NFIB: variants seen among roughly 807,000 people sequenced by gnomAD.
NFIB encodes nuclear factor I B.
In NFIB, 11 loss-of-function variants were observed where a neutral mutation model predicts 61.5. The ratio of observed to expected loss-of-function variants is 0.18; its 90% confidence interval spans 0.11 to 0.30. NFIB has a LOEUF of 0.30. Among genes scored for constraint, NFIB ranks in the 10% least tolerant of loss-of-function variants. NFIB has a pLI of 1.00. For synonymous variants in NFIB, 260 were observed against 216.5 expected, an observed-to-expected ratio of 1.20 and a Z score of -1.76; for missense variants, 471 against 608.9, an observed-to-expected ratio of 0.77 and a Z score of 2.38.
intron 1 of NFIB, among the ~76,000 whole-genome samples, chr9:14,353,717 G>A (rs1220066143): frequency 6.6e-6 from 1 of 152,140 alleles, no homozygotes; most frequent in African/African-American, 2.4e-5. Context: ...GGTGAGACCC[G>A]GGGACCAGCT....
intron 1 of NFIB, among the ~76,000 whole-genome samples, chr9:14,328,220 C>T (rs2060778154): frequency 6.6e-6 from 1 of 152,190 alleles, no homozygotes. Flanking sequence ...TCAGGGCTCA[C>T]TACATCCTTG....
chr9:14,194,994 G>A (rs1403770551), intron 2 of NFIB, among the ~76,000 whole-genome samples: 3 of 151,788 alleles, frequency 2.0e-5, no homozygotes, highest in East Asian at 1.9e-4. Context: ...AAGAGATCCC[G>A]TAAGCTTCTC....
At chr9:14,371,341 C>G (rs1162435738) in intron 1 of NFIB, among the ~76,000 whole-genome samples, 1 of 152,096 alleles carries the variant, frequency 6.6e-6, no homozygotes, top group Non-Finnish European at 1.5e-5. Flanking sequence ...ATCTAAGTTC[C>G]TTCTTCTTAG....
intron 1 of NFIB, among the ~76,000 whole-genome samples, chr9:14,379,264 G>C (rs190571408): frequency 8.5e-5 from 13 of 152,318 alleles, no homozygotes; most frequent in African/African-American, 3.1e-4. Flanking sequence ...TTTTAGGGAA[G>C]GATAAAGGAA....
intron 2 of NFIB, among the ~76,000 whole-genome samples, chr9:14,206,016 T>C (rs2049653154): frequency 6.6e-6 from 1 of 152,156 alleles, no homozygotes; most frequent in Admixed American, 6.5e-5. Context: ...TGTTTCTGCG[T>C]AAAAGACATT....
intron 1 of NFIB, among the ~76,000 whole-genome samples, chr9:14,379,630 T>C (rs2132995798): frequency 6.6e-6 from 1 of 152,322 alleles, no homozygotes; most frequent in East Asian, 1.9e-4. Flanking sequence ...TAATTTACAA[T>C]CACACTGCAG....
At chr9:14,332,199 G>T (rs537908313) in intron 1 of NFIB, among the ~76,000 whole-genome samples, 1 of 151,960 alleles carries the variant, frequency 6.6e-6, no homozygotes, top group Non-Finnish European at 1.5e-5. Flanking sequence ...TGGGCGTCGT[G>T]GTGGGCGCCT....
At chr9:14,469,755 T>C in the NFIB span, among the ~76,000 whole-genome samples, 1 of 152,324 alleles carries the variant, frequency 6.6e-6, no homozygotes, top group African/African-American at 2.4e-5. Flanking sequence ...CTCTCCTATA[T>C]ACTTGTTAAT....
In NFIB at chr9:14,225,456, C is replaced by CAAAAAAAAAAAA. The variant is rs1228589594; in HGVS notation, c.563-45688_563-45677dup. Among the ~76,000 whole-genome samples the CAAAAAAAAAAAA allele has an allele frequency of 2.5e-3, 143 of 57,908 alleles. 1 individual carries two copies. Among genetic ancestry groups the CAAAAAAAAAAAA allele is most frequent in the Non-Finnish European group, 3.2e-3 (74 of 23,168 alleles). 38.0% of individuals were successfully genotyped at this position (57,908 alleles called of 152,430 possible). ...TGGGCGACAGAGCGAGACTCCGTCT[C>CAAAAAAAAAAAA]AAAAAAAAAAAAAAAAAAAAAAAAG... On this transcript the variant is annotated intron_variant, in intron 2 of 10. Transcript: ENST00000380953.
chr9:14,113,147 G>C, intron 9 of NFIB, 66 bp from the exon 10 acceptor site: 1 of 1,394,886 alleles, frequency 7.2e-7, no homozygotes, highest in Non-Finnish European at 9.6e-7. Context: ...CCCTGTCCAT[G>C]TATAAGAAAC....
chr9:14,309,364 T>C (rs145012878), intron 1 of NFIB, among the ~76,000 whole-genome samples: 1 of 152,304 alleles, frequency 6.6e-6, no homozygotes, highest in Non-Finnish European at 1.5e-5. Context: ...CAATCAATAA[T>C]GTAGTTATCA....
chr9:14,228,931 C>T (rs551026938), intron 2 of NFIB, among the ~76,000 whole-genome samples: 1 of 151,566 alleles, frequency 6.6e-6, no homozygotes, highest in Admixed American at 6.6e-5. Context: ...TCCTTTATCT[C>T]TTTTACTTCT....
chr9:14,409,554 G>C, the NFIB span, among the ~76,000 whole-genome samples: 2 of 152,182 alleles, frequency 1.3e-5, no homozygotes, highest in African/African-American at 4.8e-5. Flanking sequence ...TCTAGGGTTA[G>C]AGAAGACAGG....
At chr9:14,376,533 T>TG (rs2061422079) in intron 1 of NFIB, among the ~76,000 whole-genome samples, 3 of 151,898 alleles carry the variant, frequency 2.0e-5, no homozygotes, top group Admixed American at 2.0e-4. Flanking sequence ...TTTTTTTTTT[T>TG]TGATACAGGG....
the NFIB span, among the ~76,000 whole-genome samples, chr9:14,496,077 C>A: frequency 7.2e-5 from 11 of 152,234 alleles, no homozygotes; most frequent in Non-Finnish European, 1.3e-4. Context: ...TAGTTCAGGG[C>A]GTGGCAAGTA....
chr9:14,299,663 T>C (rs2059644016), intron 2 of NFIB, among the ~76,000 whole-genome samples: 1 of 152,224 alleles, frequency 6.6e-6, no homozygotes, highest in Admixed American at 6.5e-5. Context: ...ATAGTAAAAT[T>C]ACTTCATCCA....
chr9:14,206,286 C>T (rs2049701525), intron 2 of NFIB, among the ~76,000 whole-genome samples: 1 of 151,852 alleles, frequency 6.6e-6, no homozygotes, highest in African/African-American at 2.4e-5. Context: ...AAACAATCCT[C>T]CCACCTCGGC....
intron 1 of NFIB, among the ~76,000 whole-genome samples, chr9:14,388,352 C>G (rs1187677598): frequency 7.2e-6 from 1 of 138,198 alleles, no homozygotes; most frequent in African/African-American, 2.8e-5. Context: ...GAGACCTTTT[C>G]AAAAAGAGAA....
At chr9:14,293,424 A>G (rs1350087484) in intron 2 of NFIB, among the ~76,000 whole-genome samples, 2 of 152,186 alleles carry the variant, frequency 1.3e-5, no homozygotes, top group African/African-American at 4.8e-5. Context: ...TAACTGGAAC[A>G]CCCAAGGTTG....
Sources: gnomAD v4.1 joint callset for allele counts (sites outside exome capture counted in the v4.1 genomes callset) on GRCh38, gnomAD v4.1.1 for gene constraint, MANE v1.5 for transcripts, NCBI Gene and HGNC (gene_info 2026-07-23, HGNC 2026-07-21) for gene names.